The following CCDC7 variants were observed in gnomAD, a reference collection of about 807,000 sequenced individuals.
The protein encoded by CCDC7 is coiled-coil domain-containing protein 7.
A neutral mutation model predicts 196.9 loss-of-function variants in CCDC7; 183 were observed. That is an observed-to-expected ratio of 0.93 (90% CI 0.82 to 1.05). CCDC7 has a LOEUF of 1.05. CCDC7 is among the 50% of genes least tolerant of loss of function. The pLI is 0.00. For missense variants in CCDC7, 1,540 were observed against 1,482.2 expected, an observed-to-expected ratio of 1.04 and a Z score of -0.64; for synonymous variants, 525 against 484.6, an observed-to-expected ratio of 1.08 and a Z score of -1.10.
At chr10:32,674,667 G>T (rs1197057871) in intron 21 of CCDC7, among the ~76,000 whole-genome samples, 1 of 151,912 alleles carries the variant, frequency 6.6e-6, no homozygotes, top group African/African-American at 2.4e-5. Flanking sequence ...ATCCATTTTT[G>T]AAAGTGGAGT....
At chr10:32,611,265 G>A (rs2062098293) in intron 18 of CCDC7, among the ~76,000 whole-genome samples, 1 of 152,112 alleles carries the variant, frequency 6.6e-6, no homozygotes, top group Admixed American at 6.6e-5. Context: ...TTTTGATGGG[G>A]TTGTTTGTTT....
intron 17 of CCDC7, 70 bp downstream of exon 18, chr10:32,583,377 A>AT (rs2058929876): frequency 9.8e-7 from 1 of 1,018,626 alleles, no homozygotes; most frequent in African/African-American, 1.7e-5. Flanking sequence ...ATGCTAACCC[A>AT]TTTAAATGGG....
At chr10:32,657,222 G>A (rs2070142659) in intron 20 of CCDC7, among the ~76,000 whole-genome samples, 1 of 152,190 alleles carries the variant, frequency 6.6e-6, no homozygotes, top group African/African-American at 2.4e-5. Context: ...CTGGGGTCTG[G>A]AGGACAGTGG....
intron 29 of CCDC7, among the ~76,000 whole-genome samples, chr10:32,781,928 A>G (rs1272165600): frequency 2.0e-5 from 3 of 152,220 alleles, no homozygotes; most frequent in Non-Finnish European, 4.4e-5. Flanking sequence ...ATTCCACAAA[A>G]CAACTGTTAG....
At chr10:32,685,347 T>G (rs2076349736) in intron 21 of CCDC7, among the ~76,000 whole-genome samples, 1 of 152,152 alleles carries the variant, frequency 6.6e-6, no homozygotes, top group South Asian at 2.1e-4. Flanking sequence ...ATACTATAGT[T>G]TATAGCAAGC....
At chr10:32,841,534 T>C (rs1202100584) in intron 33 of CCDC7, among the ~76,000 whole-genome samples, 1 of 151,384 alleles carries the variant, frequency 6.6e-6, no homozygotes, top group African/African-American at 2.4e-5. Flanking sequence ...AATGACCATA[T>C]TGCCAAAAGC....
intron 9 of CCDC7, among the ~76,000 whole-genome samples, chr10:32,501,638 G>C (rs1270624417): frequency 1.3e-5 from 2 of 152,180 alleles, no homozygotes; most frequent in Non-Finnish European, 2.9e-5. Flanking sequence ...GTCCACTCCA[G>C]ACCCTGTTTG....
rs142427025 is a variant in CCDC7, at chr10:32,863,530, T to A, written c.4111+9041T>A. Among the ~76,000 whole-genome samples, 79 of 152,108 alleles carry A rather than the reference T, an allele frequency of 5.2e-4. No homozygotes were observed. In the East Asian group the frequency reaches 0.013, roughly 25 times the overall value. On this transcript the variant is annotated intron_variant, in intron 41 of 41. Coordinates refer to ENST00000639629, the Ensembl canonical transcript of CCDC7. ...ACCACATTCAGCTATTTTTTTAATT[T>A]TTTGTAGAGACAGGATCTTGCTACA...
intron 5 of CCDC7, 68 bp from the exon 7 acceptor site, chr10:32,470,996 G>A: frequency 7.3e-7 from 1 of 1,373,954 alleles, no homozygotes; most frequent in South Asian, 1.6e-5. Flanking sequence ...AGGAGATAAT[G>A]AAATTTATTT....
At chr10:32,647,510 CT>C (rs1044860162) in intron 20 of CCDC7, among the ~76,000 whole-genome samples, 2 of 15,766 alleles carry the variant, frequency 1.3e-4, no homozygotes, top group African/African-American at 2.7e-4. Context: ...AGTTTTTTGA[CT>C]TTTTAATAAT....
chr10:32,640,204 G>T (rs1248512420), intron 20 of CCDC7, among the ~76,000 whole-genome samples: 6 of 152,152 alleles, frequency 3.9e-5, no homozygotes, highest in African/African-American at 1.4e-4. Flanking sequence ...CTAAGGACTT[G>T]CTTTATGAAT....
chr10:32,865,670 T>C lies in CCDC7; in HGVS notation c.4112-10677T>C, dbSNP rs1413502409. Among the ~76,000 whole-genome samples, 4 of 151,868 alleles carry C rather than the reference T, an allele frequency of 2.6e-5. No individual in the cohort carries two copies. The East Asian group carries it at 5.8e-4, about 22-fold the overall frequency. ...ATTGTGGGTTACACAGCTGTAGGCATTGTCAAAACTCACCTGTTATAATAA... is the reference window on the plus strand; with the variant it reads ...ATTGTGGGTTACACAGCTGTAGGCACTGTCAAAACTCACCTGTTATAATAA... On this transcript the variant is annotated intron_variant, in intron 41 of 41. Transcript: ENST00000639629.
Position 32,670,581 on chromosome 10 carries a change from C to G in CCDC7, c.2122+6420C>G, listed in dbSNP as rs1591396678. On this transcript the variant is annotated intron_variant, in intron 21 of 41. Transcript: ENST00000639629. ...AACAGTCCCCAGAGTGTGATGTTCC[C>G]CTTCCTGTGTCCATGTGTTCTCATT... 2.1e-5 allele frequency among the ~76,000 whole-genome samples: 3 copies of G among 141,460 alleles called. No homozygotes were observed. The East Asian group carries it at 6.2e-4, about 29-fold the overall frequency. 92.8% of individuals were successfully genotyped at this position (141,460 alleles called of 152,430 possible). A position where few individuals can be genotyped will look rare whatever the true frequency, so the allele number is the denominator to read the frequency against.
At position 32,779,220 on chromosome 10, in the gene CCDC7, C is replaced by G. The variant is rs1288579776; in HGVS notation, c.3013+136C>G. On this transcript the variant is annotated intron_variant, in intron 29 of 41. Coordinates refer to ENST00000639629, the Ensembl canonical transcript of CCDC7. ...TCAACTTAAGTTCATTCTACTCAAT[C>G]AATCTACATGTCAATTAAGTGTATC... is the stretch of plus-strand genomic sequence containing the variant. 8.2e-6 allele frequency: 5 copies of G among 611,844 alleles called. No homozygotes were observed. The African/African-American group carries it at 9.5e-5, about 12-fold the overall frequency. The allele number at this position is 611,844 out of a possible 1,614,324, so 37.9% of individuals were successfully genotyped here. A position where few individuals can be genotyped will look rare whatever the true frequency, so the allele number is the denominator to read the frequency against.
chr10:32,748,343 G>A (rs1332254086), intron 28 of CCDC7, among the ~76,000 whole-genome samples: 1 of 151,614 alleles, frequency 6.6e-6, no homozygotes, highest in Non-Finnish European at 1.5e-5. Context: ...ACCTCCACAT[G>A]TACCCAAAAT....
At chr10:32,506,238 G>A (rs1265067897) in intron 9 of CCDC7, among the ~76,000 whole-genome samples, 11 of 144,968 alleles carry the variant, frequency 7.6e-5, no homozygotes, top group African/African-American at 1.0e-4. Context: ...GGGCAGAGGC[G>A]CTACTCACTT....
chr10:32,682,897 C>G (rs905703798), intron 21 of CCDC7, among the ~76,000 whole-genome samples: 1 of 152,060 alleles, frequency 6.6e-6, no homozygotes, highest in Non-Finnish European at 1.5e-5. Flanking sequence ...GATATTACAC[C>G]TTTGTTAGAT....
chr10:32,768,174 AG>A (rs1156291212), intron 28 of CCDC7, among the ~76,000 whole-genome samples: 1 of 152,150 alleles, frequency 6.6e-6, no homozygotes, highest in African/African-American at 2.4e-5. Flanking sequence ...TAACATTACA[AG>A]TATGGCTATT....
At chr10:32,813,800 T>C (rs1002875052) in intron 30 of CCDC7, among the ~76,000 whole-genome samples, 6 of 152,190 alleles carry the variant, frequency 3.9e-5, no homozygotes, top group Non-Finnish European at 8.8e-5. Flanking sequence ...AGTTTTACCT[T>C]TCCCTGGCTA....
Sources: allele counts gnomAD v4.1 joint callset (sites outside exome capture counted in the v4.1 genomes callset), GRCh38; gene constraint gnomAD v4.1.1; transcripts MANE v1.5; gene names NCBI Gene and HGNC (gene_info 2026-07-23, HGNC 2026-07-21).